The following PCDHGA4 variants were observed in gnomAD, a reference collection of about 807,000 sequenced individuals.
PCDHGA4 encodes protocadherin gamma-A4.
PCDHGA4 carries 38 observed loss-of-function variants against 54.6 expected under a neutral mutation model. The observed-to-expected ratio is 0.70, with a 90% CI of 0.54 to 0.91. The LOEUF (loss-of-function observed/expected upper bound fraction) is 0.91. PCDHGA4 is among the 40% of genes least tolerant of loss of function. PCDHGA4 has a pLI of 0.00. For missense variants in PCDHGA4, 1,298 were observed against 1,220.9 expected, an observed-to-expected ratio of 1.06 and a Z score of -0.94; for synonymous variants, 511 against 512.9, an observed-to-expected ratio of 1.00 and a Z score of 0.05.
intron 1 of PCDHGA4, chr5:141,384,675 G>A: frequency 6.2e-7 from 1 of 1,614,216 alleles, no homozygotes; most frequent in Non-Finnish European, 8.5e-7. Flanking sequence ...CCAAGGTGGT[G>A]GCGGTGGACA....
Position 141,375,142 on chromosome 5 carries a change from C to A in PCDHGA4, c.2514+17521C>A, listed in dbSNP as rs772426422. The A allele has an allele frequency of 5.0e-6, 8 of 1,613,910 alleles. No homozygotes were observed. The Admixed American group carries it at 1.3e-4, about 27-fold the overall frequency. ...CAGAAGTGGTTGTTACATCTGGAAG[C>A]AGAACAATTGCTGAAAGTGCACCTC... On this transcript the variant is annotated intron_variant, in intron 1 of 3. Transcript: ENST00000571252.
At chr5:141,450,033 G>T (rs1377962229) in intron 1 of PCDHGA4, among the ~76,000 whole-genome samples, 2 of 131,450 alleles carry the variant, frequency 1.5e-5, no homozygotes, top group Admixed American at 8.4e-5. Flanking sequence ...TTGAGACAGG[G>T]TCTCACTCTT....
At chr5:141,409,515 T>G (rs1273041163) in intron 1 of PCDHGA4, 1 of 1,613,844 alleles carries the variant, frequency 6.2e-7, no homozygotes, top group Non-Finnish European at 8.5e-7. Context: ...AGTAGAAGCA[T>G]CACCTTGTAT....
At chr5:141,364,463 GT>G (rs754642507) in intron 1 of PCDHGA4, 9 of 1,614,000 alleles carry the variant, frequency 5.6e-6, no homozygotes, top group Admixed American at 1.7e-5. Flanking sequence ...AGGCTCCTTC[GT>G]CGGCAACATA....
rs2099883798 is a variant in PCDHGA4, at chr5:141,511,451, AT to A, written c.*281del. On this transcript the variant is annotated 3_prime_UTR_variant, in exon 4 of 4. Transcript: ENST00000571252. ...GGGGTTACTGTAGACACCAAGAACC[AT>A]TTGCCACACCCCGTTTAGTTACAGC... The A allele has an allele frequency of 3.3e-6, 2 of 606,372 alleles. No individual in the cohort carries two copies. Among genetic ancestry groups the A allele is most frequent in the African/African-American group, 1.9e-5 (1 of 53,734 alleles). 37.6% of individuals were successfully genotyped at this position (606,372 alleles called of 1,614,324 possible).
intron 1 of PCDHGA4, chr5:141,423,752 G>T: frequency 6.2e-6 from 4 of 644,948 alleles, no homozygotes; most frequent in Non-Finnish European, 7.8e-6. Context: ...AAACTGTTTG[G>T]GGGGGGGGTG....
At chr5:141,401,919 G>A (rs2150915658) in intron 1 of PCDHGA4, among the ~76,000 whole-genome samples, 1 of 152,224 alleles carries the variant, frequency 6.6e-6, no homozygotes, top group Non-Finnish European at 1.5e-5. Context: ...ATAAGTTTAA[G>A]TGATGCTTAG....
At chr5:141,436,910 TGTGA>T (rs1332506247) in intron 1 of PCDHGA4, among the ~76,000 whole-genome samples, 1 of 152,228 alleles carries the variant, frequency 6.6e-6, no homozygotes, top group Non-Finnish European at 1.5e-5. Flanking sequence ...GAGACAATTT[TGTGA>T]GTGTTACTTT....
rs754299511 is a variant in PCDHGA4 at position 141,476,353 on chromosome 5, G to A, written c.2515-18454G>A. 4 of 1,614,202 alleles carry A rather than the reference G, an allele frequency of 2.5e-6. No individual in the cohort carries two copies. Among genetic ancestry groups the A allele is most frequent in the South Asian group, 1.1e-5 (1 of 91,082 alleles). On this transcript the variant is annotated intron_variant, in intron 1 of 3. Coordinates refer to ENST00000571252, the MANE Select transcript of PCDHGA4 (RefSeq NM_018917.4). The surrounding 1 kb of genome is among the most constrained non-coding windows in gnomAD (Gnocchi z 7.6). The stretch of plus-strand genomic sequence containing the variant: ...GAGCTAGCCGAAGATTCTTTGAGGT[G>A]AACCGGGAGACCGGAGAGATGTTTG...
rs778209794 is a variant in PCDHGA4 at position 141,408,298 on chromosome 5, G to C, written c.2514+50677G>C. The C allele has an allele frequency of 4.3e-6, 7 of 1,613,586 alleles. No homozygotes were observed. The Admixed American group carries it at 5.0e-5, about 12-fold the overall frequency. ...TGTTCTACCCCACCCTGAGTGAGCCGATCCGCTACTCGATTCCGGAGGAGC... is the reference window on the plus strand; with the variant it reads ...TGTTCTACCCCACCCTGAGTGAGCCCATCCGCTACTCGATTCCGGAGGAGC... On this transcript the variant is annotated intron_variant, in intron 1 of 3. Coordinates refer to ENST00000571252, the MANE Select transcript of PCDHGA4 (RefSeq NM_018917.4).
chr5:141,398,264 T>C lies in PCDHGA4; in HGVS notation c.2514+40643T>C, dbSNP rs370063277. On this transcript the variant is annotated intron_variant, in intron 1 of 3. Transcript: ENST00000571252. ...CCCGAGGAAATGCCCAAGGGCTCCG[T>C]AGTGGGGAACCTCGCCACGGACCTG... 2,051 of 1,443,238 alleles carry C rather than the reference T, an allele frequency of 1.4e-3. 29 individuals carry two copies. In the African/African-American group the frequency reaches 0.026, roughly 18 times the overall value. 89.4% of individuals were successfully genotyped at this position (1,443,238 alleles called of 1,614,324 possible).
At chr5:141,408,396 A>G (rs764101918) in intron 1 of PCDHGA4, 18 of 1,614,020 alleles carry the variant, frequency 1.1e-5, no homozygotes, top group South Asian at 5.5e-5. Flanking sequence ...TCGGCTCGCA[A>G]GCTGCGAGTG....
Position 141,512,106 on chromosome 5 carries a change from T to A in PCDHGA4, c.*933T>A, listed in dbSNP as rs2099884076. 6.6e-6 allele frequency: 1 copy of A among 152,630 alleles called. No homozygotes were observed. Among genetic ancestry groups the A allele is most frequent in the Non-Finnish European group, 1.5e-5 (1 of 68,060 alleles). 9.5% of individuals were successfully genotyped at this position (152,630 alleles called of 1,614,324 possible). On this transcript the variant is annotated 3_prime_UTR_variant, in exon 4 of 4. Transcript: ENST00000571252. ...TAAACCAATAACTAGGCTGGACCCT[T>A]CCCACTACATAATAGGGCTCAGCCC...
At position 141,502,499 on chromosome 5, in the gene PCDHGA4, C is replaced by T. The variant is rs552402476; in HGVS notation, c.2574-2894C>T. ...CATCACACTGGGACTCATCTAACGT[C>T]GGCCTGTCCCACTATCAGTGATGCC... On this transcript the variant is annotated intron_variant, in intron 2 of 3. Coordinates refer to ENST00000571252, the MANE Select transcript of PCDHGA4 (RefSeq NM_018917.4). Among the ~76,000 whole-genome samples, 24 of 152,240 alleles carry T rather than the reference C, an allele frequency of 1.6e-4. No homozygotes were observed. In the East Asian group the frequency reaches 4.1e-3, roughly 26 times the overall value.
At position 141,418,775 on chromosome 5, in the gene PCDHGA4, C is replaced by T. The variant is rs773519128; in HGVS notation, c.2514+61154C>T. 4 of 1,613,764 alleles carry T rather than the reference C, an allele frequency of 2.5e-6. No individual in the cohort carries two copies. In the East Asian group the frequency reaches 6.7e-5, roughly 27 times the overall value. ...TACAGGAAACATTCTAACTCAGCAG[C>T]CTTTGGATTTTGAAGAAGTAGAAAG... On this transcript the variant is annotated intron_variant, in intron 1 of 3. Transcript: ENST00000571252.
rs527514615 is a variant in PCDHGA4 at position 141,485,941 on chromosome 5, A to G, written c.2515-8866A>G. ...GGATTAGTGTGTTGGAGAGCGCACC[A>G]GCGGGCATGGTGCTCATCCAGCTCA... is the stretch of plus-strand genomic sequence containing the variant. On this transcript the variant is annotated intron_variant, in intron 1 of 3. Coordinates refer to ENST00000571252, the MANE Select transcript of PCDHGA4 (RefSeq NM_018917.4). This position sits in a 1 kb window ranked among gnomAD's most constrained non-coding sequence, Gnocchi z 5.7. The G allele has an allele frequency of 2.5e-6, 4 of 1,614,180 alleles. No homozygotes were observed. The highest frequency in any genetic ancestry group is 2.7e-5 in the African/African-American group (2 of 75,032).
At chr5:141,500,991 C>T (rs2099804636) in intron 2 of PCDHGA4, among the ~76,000 whole-genome samples, 1 of 152,024 alleles carries the variant, frequency 6.6e-6, no homozygotes, top group South Asian at 2.1e-4. Flanking sequence ...GCCTCAGCCT[C>T]CTGAGTAGCT....
At chr5:141,478,269 A>G in intron 1 of PCDHGA4, 1 of 1,614,146 alleles carries the variant, frequency 6.2e-7, no homozygotes, top group Non-Finnish European at 8.5e-7. Flanking sequence ...TTCAAAGTTT[A>G]CAAGTGGAAG....
intron 1 of PCDHGA4, among the ~76,000 whole-genome samples, chr5:141,469,061 G>C (rs960166489): frequency 1.3e-5 from 2 of 152,010 alleles, no homozygotes; most frequent in African/African-American, 4.8e-5. Flanking sequence ...AGGATTGCTT[G>C]AGCCTAGGAG....
Sources: gnomAD v4.1 joint callset for allele counts (sites outside exome capture counted in the v4.1 genomes callset) on GRCh38, gnomAD v4.1.1 for gene constraint, Gnocchi (gnomAD v3.1) non-coding constraint, MANE v1.5 for transcripts, NCBI Gene and HGNC (gene_info 2026-07-23, HGNC 2026-07-21) for gene names.